EEA1: variants seen among roughly 807,000 people sequenced by gnomAD.
The protein encoded by EEA1 is early endosome antigen 1, 162kD.
Under a neutral mutation model 209.2 loss-of-function variants are expected in EEA1, and 111 were observed. The observed-to-expected ratio is 0.53, with a 90% CI of 0.45 to 0.62. The LOEUF is 0.62. Ranked by LOEUF, EEA1 falls within the 20% of genes least tolerant of loss-of-function variation. EEA1 has a pLI of 0.00. For synonymous variants in EEA1, 536 were observed against 540.6 expected, an observed-to-expected ratio of 0.99 and a Z score of 0.12; for missense variants, 1,343 against 1,530.8, an observed-to-expected ratio of 0.88 and a Z score of 2.05.
In EEA1 at chr12:92,777,625, G is replaced by A. The variant is rs1873713664; in HGVS notation, c.3932C>T (p.Thr1311Ile). 1.2e-6 allele frequency: 2 copies of A among 1,612,104 alleles called. No individual in the cohort carries two copies. The highest frequency in any genetic ancestry group is 1.7e-6 in the Non-Finnish European group (2 of 1,178,846). Residue 1311 changes from threonine to isoleucine, a missense_variant, in exon 27 of 29, where the codon ACC becomes ATC. Around this residue, in one of 3 missense-constraint regions of EEA1, gnomAD observed 1,307 missense variants for 1,465.5 expected, o/e 0.89. Transcript: ENST00000322349. Reference sequence around the variant, plus strand: ...CTTTCTTTGCAATTCTAATACTTTGGTTTGAAGCTTTTCTATTTCACCTTC... The same window carrying A: ...CTTTCTTTGCAATTCTAATACTTTGATTTGAAGCTTTTCTATTTCACCTTC... ...KGEGEIEKLQ[T>I]KVLELQRKLD... is the part of the protein sequence containing the mutation.
intron 11 of EEA1, among the ~76,000 whole-genome samples, chr12:92,832,150 G>T (rs967616653): frequency 6.6e-6 from 1 of 150,790 alleles, no homozygotes; most frequent in Non-Finnish European, 1.5e-5. Context: ...TAATAATGAT[G>T]CTTTTAAAAT....
intron 1 of EEA1, among the ~76,000 whole-genome samples, chr12:92,924,409 A>G (rs1248030952): frequency 2.6e-5 from 4 of 151,954 alleles, no homozygotes; most frequent in African/African-American, 9.6e-5. Context: ...GGGTTTCACT[A>G]TGTTGGCCAG....
intron 1 of EEA1, among the ~76,000 whole-genome samples, chr12:92,896,194 G>T (rs566458272): frequency 6.6e-6 from 1 of 152,006 alleles, no homozygotes; most frequent in East Asian, 1.9e-4. Flanking sequence ...GGATGGTCTC[G>T]ATCTCTTCAC....
At chr12:92,851,672 T>C (rs186958720) in intron 8 of EEA1, among the ~76,000 whole-genome samples, 1 of 152,298 alleles carries the variant, frequency 6.6e-6, no homozygotes, top group East Asian at 1.9e-4. Flanking sequence ...TTAATTTATA[T>C]ATTTATTGAG....
At chr12:92,887,690 T>C (rs1357141475) in intron 2 of EEA1, among the ~76,000 whole-genome samples, 2 of 151,748 alleles carry the variant, frequency 1.3e-5, no homozygotes, top group Admixed American at 6.6e-5. Flanking sequence ...GAATAAATGA[T>C]AAAGGGAGAA....
intron 27 of EEA1, 127 bp downstream of exon 27, chr12:92,777,416 G>T: frequency 9.5e-7 from 1 of 1,053,770 alleles, no homozygotes; most frequent in Non-Finnish European, 1.3e-6. Context: ...CTACAATACT[G>T]CTAAACAGAG....
At chr12:92,895,080 T>C (rs1338672578) in intron 1 of EEA1, among the ~76,000 whole-genome samples, 1 of 150,950 alleles carries the variant, frequency 6.6e-6, no homozygotes. Context: ...GCTCTATACA[T>C]AGAACAAGAA....
At chr12:92,859,619 G>A (rs1291258276) in intron 3 of EEA1, among the ~76,000 whole-genome samples, 1 of 152,186 alleles carries the variant, frequency 6.6e-6, no homozygotes, top group African/African-American at 2.4e-5. Flanking sequence ...ACTGAGCACA[G>A]GTGATCCATG....
In EEA1 at chr12:92,819,317, T is replaced by C; in HGVS notation, c.1719A>G (p.Leu573=). ...LNQLQEKNHT[L]QEQVTQLTEK... is the part of the protein sequence containing the mutation. ...TATTTTACAAGCTTACTTGCTCCTG[T>C]AGTGTATGGTTTTTTTCTTGTAACT... The change falls in exon 14 of 29, where the codon CTA becomes CTG. Residue 573 remains leucine, a synonymous_variant. Coordinates refer to ENST00000322349, the MANE Select transcript of EEA1 (RefSeq NM_003566.4). 9 of 1,608,120 alleles carry C rather than the reference T, an allele frequency of 5.6e-6. No individual in the cohort carries two copies. The highest frequency in any genetic ancestry group is 7.6e-6 in the Non-Finnish European group (9 of 1,177,632).
rs539821798 is a variant in EEA1, at chr12:92,904,123, G to A, written c.25-12402C>T. ...GATTACAGGCATGCACCACCACCCC[G>A]GCTAATTTTGTATTTTTAGTAGAGA... On this transcript the variant is annotated intron_variant, in intron 1 of 28. Coordinates refer to ENST00000322349, the MANE Select transcript of EEA1 (RefSeq NM_003566.4). Among the ~76,000 whole-genome samples the A allele has an allele frequency of 9.9e-5, 15 of 151,912 alleles. No individual in the cohort carries two copies. In the South Asian group the frequency reaches 1.2e-3, roughly 13 times the overall value.
intron 1 of EEA1, among the ~76,000 whole-genome samples, chr12:92,898,741 T>A (rs1880021111): frequency 1.5e-5 from 2 of 132,750 alleles, no homozygotes; most frequent in African/African-American, 5.7e-5. Flanking sequence ...CTTTTTTTTT[T>A]TTTTTTTTTT....
intron 5 of EEA1, 39 bp downstream of exon 5, chr12:92,857,236 C>A: frequency 1.4e-6 from 2 of 1,465,646 alleles, no homozygotes; most frequent in East Asian, 2.4e-5. Context: ...TAAAAATAAA[C>A]AACTAATAAA....
chr12:92,843,661 TA>T (rs1877269240), intron 9 of EEA1, among the ~76,000 whole-genome samples: 1 of 152,180 alleles, frequency 6.6e-6, no homozygotes. Context: ...AATAACTTTC[TA>T]TTATATTAAT....
chr12:92,896,477 AG>A (rs770716326), intron 1 of EEA1, among the ~76,000 whole-genome samples: 5 of 152,194 alleles, frequency 3.3e-5, no homozygotes, highest in Non-Finnish European at 7.3e-5. Context: ...CAAGTTTTGA[AG>A]GAAGTTCTAC....
At chr12:92,842,130 A>C (rs1272992209) in intron 10 of EEA1, among the ~76,000 whole-genome samples, 1 of 152,180 alleles carries the variant, frequency 6.6e-6, no homozygotes, top group African/African-American at 2.4e-5. Context: ...AAGTTGAAAA[A>C]ATTTAAAAAA....
At chr12:92,900,196 C>T (rs1348327392) in intron 1 of EEA1, among the ~76,000 whole-genome samples, 1 of 152,128 alleles carries the variant, frequency 6.6e-6, no homozygotes, top group Non-Finnish European at 1.5e-5. Flanking sequence ...AATGACGTAT[C>T]CTTAGCTATC....
In EEA1 at chr12:92,828,698, A is replaced by G. The variant is rs1004740694; in HGVS notation, c.1255-637T>C. On this transcript the variant is annotated intron_variant, in intron 11 of 28. Coordinates refer to ENST00000322349, the MANE Select transcript of EEA1 (RefSeq NM_003566.4). ...ATTAAAACTAAGGGAGTTAAGAACC[A>G]TCACGAGTAGTCCACCCTGTTATAC... is the stretch of plus-strand genomic sequence containing the variant. 6.6e-5 allele frequency among the ~76,000 whole-genome samples: 10 copies of G among 152,042 alleles called. No individual in the cohort carries two copies. In the East Asian group the frequency reaches 1.7e-3, roughly 26 times the overall value.
chr12:92,859,218 T>C lies in EEA1; in HGVS notation c.246-1733A>G. The C allele has an allele frequency of 3.1e-6, 5 of 1,613,262 alleles. 1 individual carries two copies. In the South Asian group the frequency reaches 5.5e-5, roughly 18 times the overall value. On this transcript the variant is annotated intron_variant, in intron 3 of 28. Transcript: ENST00000322349. The stretch of plus-strand genomic sequence containing the variant: ...CAATTTATCAGAGGACTGCAGCCTA[T>C]GGCCACTTTGGTAGGGACAGCTTCC...
At chr12:92,921,147 G>A (rs373032497) in intron 1 of EEA1, among the ~76,000 whole-genome samples, 19 of 151,188 alleles carry the variant, frequency 1.3e-4, no homozygotes, top group East Asian at 1.2e-3. Flanking sequence ...TTACATTGTT[G>A]GTGGGACTGT....
Sources: gnomAD v4.1 joint callset for allele counts (sites outside exome capture counted in the v4.1 genomes callset) on GRCh38, gnomAD v4.1.1 for gene constraint, gnomAD v4.1.1 regional missense constraint, MANE v1.5 for transcripts, NCBI Gene and HGNC (gene_info 2026-07-23, HGNC 2026-07-21) for gene names.